The following TANC2 variants were observed in gnomAD, a reference collection of about 807,000 sequenced individuals.
The protein encoded by TANC2 is protein TANC2.
Under a neutral mutation model 210.5 loss-of-function variants are expected in TANC2, and 26 were observed. The observed-to-expected ratio is 0.12, with a 90% CI of 0.09 to 0.17. The LOEUF is 0.17. Among genes scored for constraint, TANC2 ranks in the 10% least tolerant of loss-of-function variants. The pLI, the probability that TANC2 is intolerant of heterozygous loss-of-function variation, is 1.00. For missense variants in TANC2, 2,129 were observed against 2,608.9 expected, an observed-to-expected ratio of 0.82 and a Z score of 4.01; for synonymous variants, 931 against 967.1, an observed-to-expected ratio of 0.96 and a Z score of 0.69.
At chr17:63,084,460 T>G (rs1490429886) in intron 3 of TANC2, among the ~76,000 whole-genome samples, 1 of 151,938 alleles carries the variant, frequency 6.6e-6, no homozygotes, top group Non-Finnish European at 1.5e-5. Flanking sequence ...CTTGGTTTTG[T>G]TGATTTTTCT....
chr17:63,224,951 CAT>C (rs1277105965), intron 7 of TANC2, among the ~76,000 whole-genome samples: 1 of 152,208 alleles, frequency 6.6e-6, no homozygotes, highest in African/African-American at 2.4e-5. Context: ...GAACCATCCT[CAT>C]ATAGATCTCC....
At chr17:63,195,405 C>G (rs750452181) in intron 6 of TANC2, among the ~76,000 whole-genome samples, 6 of 152,146 alleles carry the variant, frequency 3.9e-5, no homozygotes, top group African/African-American at 2.4e-5. Context: ...CATTTGACTT[C>G]CATCAGACCC....
intron 3 of TANC2, among the ~76,000 whole-genome samples, chr17:63,091,886 G>A (rs970051694): frequency 1.3e-5 from 2 of 151,914 alleles, no homozygotes; most frequent in East Asian, 1.9e-4. Context: ...CTTTTATTTC[G>A]TTGAGCAGTG....
At chr17:63,062,376 C>G (rs762263728) in intron 2 of TANC2, among the ~76,000 whole-genome samples, 14 of 152,044 alleles carry the variant, frequency 9.2e-5, no homozygotes, top group Non-Finnish European at 1.8e-4. Context: ...TCCCTTTTGT[C>G]CATTTTCTGC....
At chr17:63,310,631 T>C (rs747090839) in intron 9 of TANC2, among the ~76,000 whole-genome samples, 1 of 152,140 alleles carries the variant, frequency 6.6e-6, no homozygotes, top group African/African-American at 2.4e-5. Flanking sequence ...GTAAAAGCCA[T>C]GAACAGGCAA....
intron 1 of TANC2, among the ~76,000 whole-genome samples, chr17:62,999,487 C>T (rs148537704): frequency 6.9e-4 from 105 of 152,342 alleles, no homozygotes; most frequent in African/African-American, 2.4e-3. Context: ...TTCAGTTCAA[C>T]AGGAAGACCT....
At chr17:63,099,382 A>T (rs1165559775) in intron 4 of TANC2, 25 bp downstream of exon 4, 1 of 1,453,660 alleles carries the variant, frequency 6.9e-7, no homozygotes, top group East Asian at 2.5e-5. Flanking sequence ...TAAATTTAGT[A>T]TGTTTAACAG....
At chr17:63,344,081 A>T (rs1160972643) in intron 12 of TANC2, among the ~76,000 whole-genome samples, 2 of 152,194 alleles carry the variant, frequency 1.3e-5, no homozygotes, top group African/African-American at 4.8e-5. Context: ...ACACAGCAGG[A>T]GGTGAGCGAC....
intron 1 of TANC2, among the ~76,000 whole-genome samples, chr17:62,981,949 C>T (rs1330769749): frequency 6.8e-6 from 1 of 146,312 alleles, no homozygotes; most frequent in East Asian, 1.9e-4. Flanking sequence ...CAGGATACAT[C>T]ACCCTCCTGG....
At chr17:63,276,288 A>C (rs1567874595) in intron 9 of TANC2, among the ~76,000 whole-genome samples, 1 of 152,092 alleles carries the variant, frequency 6.6e-6, no homozygotes, top group Non-Finnish European at 1.5e-5. Context: ...TATTCCCAAA[A>C]ATAAATGTTG....
intron 7 of TANC2, among the ~76,000 whole-genome samples, chr17:63,230,113 G>A (rs541246062): frequency 1.8e-4 from 27 of 152,208 alleles, no homozygotes; most frequent in African/African-American, 6.3e-4. Flanking sequence ...TTGTATTTCT[G>A]TGGGGTCAGT....
chr17:63,276,065 A>C (rs939412681), intron 9 of TANC2, among the ~76,000 whole-genome samples: 34 of 152,142 alleles, frequency 2.2e-4, no homozygotes, highest in African/African-American at 8.0e-4. Flanking sequence ...AAGACTTTGC[A>C]AAAAAATTTT....
intron 12 of TANC2, among the ~76,000 whole-genome samples, chr17:63,350,572 A>C (rs144008825): frequency 1.3e-5 from 2 of 152,142 alleles, no homozygotes; most frequent in East Asian, 3.9e-4. Flanking sequence ...AACACAGCAG[A>C]TGTTTGTCTT....
chr17:63,002,088 G>A (rs1159377758), intron 1 of TANC2, among the ~76,000 whole-genome samples: 1 of 152,124 alleles, frequency 6.6e-6, no homozygotes, highest in African/African-American at 2.4e-5. Flanking sequence ...AGTATTTGGG[G>A]AAGAACACAT....
intron 5 of TANC2, among the ~76,000 whole-genome samples, chr17:63,172,629 C>T (rs1426571881): frequency 6.6e-6 from 1 of 152,218 alleles, no homozygotes; most frequent in East Asian, 1.9e-4. Context: ...ATGCCTGCTA[C>T]TGTATCCATA....
intron 2 of TANC2, among the ~76,000 whole-genome samples, chr17:63,015,393 G>A (rs933022692): frequency 2.0e-5 from 3 of 151,932 alleles, no homozygotes; most frequent in South Asian, 2.1e-4. Flanking sequence ...ATGTATGCAC[G>A]CGCCATGTTG....
rs374056969 is a variant in TANC2, at chr17:63,416,518, A to G, written c.4167+844A>G. On this transcript the variant is annotated intron_variant, in intron 26 of 27. Transcript: ENST00000689528. ...AACCTCATGGCCAGGGATCTTCCAGAAAGATTTGTGTGTGTAACCTTTAGA... is the reference window on the plus strand; with the variant it reads ...AACCTCATGGCCAGGGATCTTCCAGGAAGATTTGTGTGTGTAACCTTTAGA... Among the ~76,000 whole-genome samples the G allele has an allele frequency of 1.2e-4, 19 of 152,344 alleles. No homozygotes were observed. In the East Asian group the frequency reaches 3.7e-3, roughly 29 times the overall value.
chr17:63,393,324 A>C (rs1034770236), intron 17 of TANC2: 1 of 152,218 alleles, frequency 6.6e-6, no homozygotes, highest in Non-Finnish European at 1.5e-5. Flanking sequence ...GTCTTATTAC[A>C]GGTGGTGTTA....
At chr17:63,308,285 C>G (rs946618688) in intron 9 of TANC2, among the ~76,000 whole-genome samples, 4 of 152,166 alleles carry the variant, frequency 2.6e-5, no homozygotes, top group African/African-American at 9.7e-5. Context: ...CTCCCTATCC[C>G]TCTACATCTA....
Sources: gnomAD v4.1 joint callset for allele counts (sites outside exome capture counted in the v4.1 genomes callset) on GRCh38, gnomAD v4.1.1 for gene constraint, MANE v1.5 for transcripts, NCBI Gene and HGNC (gene_info 2026-07-23, HGNC 2026-07-21) for gene names.